ZXDC: variants seen among roughly 807,000 people sequenced by gnomAD.
ZXDC encodes the protein zinc finger protein ZXDC.
ZXDC carries 58 observed loss-of-function variants against 63.6 expected under a neutral mutation model. The observed-to-expected ratio is 0.91, with a 90% CI of 0.74 to 1.13. The LOEUF is 1.13. ZXDC is among the 50% of genes most tolerant of loss of function. The pLI is 0.00. For missense variants in ZXDC, 1,133 were observed against 1,148.9 expected (o/e 0.99, Z 0.20); for synonymous variants, 561 against 496.1 (o/e 1.13, Z -1.74).
At chr3:126,446,831 T>C (rs1196184282) in intron 7 of ZXDC, among the ~76,000 whole-genome samples, 1 of 152,188 alleles carries the variant, frequency 6.6e-6, no homozygotes, top group Non-Finnish European at 1.5e-5. Context: ...CAAAAACAAG[T>C]CATTTGTGTA....
At chr3:126,452,967 G>T in intron 7 of ZXDC, 1 of 962,932 alleles carries the variant, frequency 1.0e-6, no homozygotes, top group Non-Finnish European at 1.2e-6. Flanking sequence ...TGAACTCCTG[G>T]CCTCAAGCAA....
Position 126,475,108 on chromosome 3 carries a change from T to G in ZXDC, c.758A>C (p.Tyr253Ser). The G allele has an allele frequency of 6.2e-7, 1 of 1,610,818 alleles. No homozygotes were observed. Among genetic ancestry groups the G allele is most frequent in the Non-Finnish European group, 8.5e-7 (1 of 1,178,558 alleles). ...GCCCTTCATGTGCGCCTTGAGGTTA[T>G]AGACCGTAGTGAACTTCTTGCCACA... ...GGCGKKFTTV[Y>S]NLKAHMKGHE... The change falls in exon 1 of 10, where the codon TAT (tyrosine) becomes TCT (serine). Residue 253 changes from tyrosine (Y) to serine (S), a missense_variant. Coordinates refer to ENST00000389709, the MANE Select transcript of ZXDC (RefSeq NM_025112.5).
chr3:126,441,950 A>T lies in ZXDC; in HGVS notation c.2213-4T>A. 6.3e-7 allele frequency: 1 copy of T among 1,587,550 alleles called. No homozygotes were observed. Among genetic ancestry groups the T allele is most frequent in the South Asian group, 1.1e-5 (1 of 87,542 alleles). On this transcript the variant is annotated splice_polypyrimidine_tract_variant and splice_region_variant and intron_variant, in intron 7 of 9. Transcript: ENST00000389709. ...CTCTGAGTAGACTGTGAGGCTCCTA[A>T]AATGAAATATAAAAACGAGCACACC...
intron 8 of ZXDC, chr3:126,441,456 G>A: frequency 8.6e-7 from 1 of 1,165,644 alleles, no homozygotes; most frequent in Non-Finnish European, 1.1e-6. Flanking sequence ...ACAGCCCTGG[G>A]GGCCTCGGGC....
At chr3:126,457,226 T>C in intron 7 of ZXDC, 1 of 982,154 alleles carries the variant, frequency 1.0e-6, no homozygotes. Context: ...TCAGCTGTGA[T>C]AAATGCAGCA....
intron 7 of ZXDC, among the ~76,000 whole-genome samples, chr3:126,448,332 T>C (rs1404196776): frequency 6.6e-6 from 1 of 152,232 alleles, no homozygotes; most frequent in Non-Finnish European, 1.5e-5. Context: ...GCCCTGCACA[T>C]GGAGCTTACA....
chr3:126,448,573 C>T (rs1426119969), intron 7 of ZXDC, among the ~76,000 whole-genome samples: 1 of 152,186 alleles, frequency 6.6e-6, no homozygotes, highest in Non-Finnish European at 1.5e-5. Flanking sequence ...CGGGCAGGCA[C>T]CAGGGCATGG....
intron 8 of ZXDC, chr3:126,441,034 C>T: frequency 1.0e-6 from 1 of 985,556 alleles, no homozygotes; most frequent in Non-Finnish European, 1.2e-6. Flanking sequence ...CACACCTGGG[C>T]CAAACCCAGA....
At chr3:126,438,500 G>A in intron 9 of ZXDC, 39 bp from the exon 10 acceptor site, 1 of 1,586,612 alleles carries the variant, frequency 6.3e-7, no homozygotes, top group Non-Finnish European at 8.6e-7. Context: ...GGAGGAGGGA[G>A]GGGAGGCAGA....
chr3:126,457,552 C>T, intron 7 of ZXDC: 1 of 985,382 alleles, frequency 1.0e-6, no homozygotes, highest in South Asian at 4.7e-5. Context: ...TTCCATTTCC[C>T]TTAGAAGTGT....
At chr3:126,461,476 C>G (rs761945274) in intron 6 of ZXDC, 59 bp downstream of exon 6, 20 of 1,536,156 alleles carry the variant, frequency 1.3e-5, no homozygotes, top group South Asian at 2.5e-5. Flanking sequence ...AGAATATCCT[C>G]AAGACCGAGT....
intron 8 of ZXDC, 161 bp downstream of exon 8, chr3:126,441,604 G>A (rs1486626588): frequency 7.4e-7 from 1 of 1,355,374 alleles, no homozygotes; most frequent in African/African-American, 1.5e-5. Flanking sequence ...TGGGCTGTGA[G>A]GAGACAGGAC....
chr3:126,475,407 G>A lies in ZXDC; in HGVS notation c.459C>T (p.Pro153=), dbSNP rs1935161982. 1.7e-6 allele frequency: 2 copies of A among 1,186,560 alleles called. No individual in the cohort carries two copies. Among genetic ancestry groups the A allele is most frequent in the Admixed American group, 4.6e-5 (1 of 21,536 alleles). 73.5% of individuals were successfully genotyped at this position (1,186,560 alleles called of 1,614,324 possible). A position where few individuals can be genotyped will look rare whatever the true frequency, so the allele number is the denominator to read the frequency against. ...GGGGAGCGGCGGCGCCCGCGGTTGC[G>A]GGGCCGGGCGGCGCAGACAGCGCGA... ...GVLALSAPPG[P]ATAGAAAPRR... is the part of the protein sequence containing the mutation. Residue 153 remains proline, a synonymous_variant, in exon 1 of 10, where the codon CCC becomes CCT. Coordinates refer to ENST00000389709, the MANE Select transcript of ZXDC (RefSeq NM_025112.5).
At chr3:126,451,453 G>A (rs1934096271) in intron 7 of ZXDC, 1 of 985,262 alleles carries the variant, frequency 1.0e-6, no homozygotes, top group Admixed American at 6.1e-5. Flanking sequence ...ATTTCCTTGA[G>A]ATAAATTCAA....
At position 126,475,138 on chromosome 3, in the gene ZXDC, C is replaced by T; in HGVS notation, c.728G>A (p.Gly243Asp). The T allele has an allele frequency of 1.9e-6, 3 of 1,609,752 alleles. No homozygotes were observed. The highest frequency in any genetic ancestry group is 2.5e-6 in the Non-Finnish European group (3 of 1,178,102). ...CGTAGTGAACTTCTTGCCACAGCCG[C>T]CCACTGGACAGCCGAAGGGCCGCAG... ...DKLRPFGCPVGGCGKKFTTVY... is the reference protein window; with the variant it reads ...DKLRPFGCPVDGCGKKFTTVY... The change falls in exon 1 of 10, where the codon GGC becomes GAC. Residue 243 changes from glycine to aspartate, a missense_variant. By Grantham distance (94) the Gly-to-Asp change is moderately conservative (BLOSUM62 -1). Transcript: ENST00000389709.
At chr3:126,473,593 C>T (rs990066310) in intron 1 of ZXDC, among the ~76,000 whole-genome samples, 5 of 152,174 alleles carry the variant, frequency 3.3e-5, no homozygotes, top group Non-Finnish European at 5.9e-5. Context: ...CATCAGATTC[C>T]CAAGAGTGTA....
chr3:126,468,464 T>TAC (rs1560104251), intron 4 of ZXDC, among the ~76,000 whole-genome samples: 1 of 152,184 alleles, frequency 6.6e-6, no homozygotes, highest in Non-Finnish European at 1.5e-5. Flanking sequence ...GAAGAGGTTC[T>TAC]GGGCTCCTCC....
chr3:126,471,586 T>C (rs1934981803), intron 3 of ZXDC, among the ~76,000 whole-genome samples: 1 of 152,100 alleles, frequency 6.6e-6, no homozygotes, highest in Non-Finnish European at 1.5e-5. Context: ...GTTGGGAAGG[T>C]AGAAGACACA....
At position 126,465,752 on chromosome 3, in the gene ZXDC, AC is replaced by A. The variant is rs544468022; in HGVS notation, c.1441+402del. On this transcript the variant is annotated intron_variant, in intron 5 of 9. Transcript: ENST00000389709. Reference sequence around the variant, plus strand: ...GACTGCTTAAGGCCAGCAGTTCAAAACCAGCCTGAGCAACATAGTGAAACCC... The same window carrying A: ...GACTGCTTAAGGCCAGCAGTTCAAAACAGCCTGAGCAACATAGTGAAACCC... 6.6e-5 allele frequency among the ~76,000 whole-genome samples: 10 copies of A among 152,292 alleles called. No individual in the cohort carries two copies. In the South Asian group the frequency reaches 2.1e-3, roughly 32 times the overall value.
Sources: gnomAD v4.1 joint callset for allele counts (sites outside exome capture counted in the v4.1 genomes callset) on GRCh38, gnomAD v4.1.1 for gene constraint, MANE v1.5 for transcripts, NCBI Gene and HGNC (gene_info 2026-07-23, HGNC 2026-07-21) for gene names.